LAMA2: variants seen among roughly 807,000 people sequenced by gnomAD.
LAMA2 encodes the protein laminin subunit alpha 2, also known as laminin subunit alpha-2.
Under a neutral mutation model 364.8 loss-of-function variants are expected in LAMA2, and 269 were observed. The ratio of observed to expected loss-of-function variants is 0.74; its 90% CI spans 0.67 to 0.82. The LOEUF (loss-of-function observed/expected upper bound fraction) is 0.82. LAMA2 is among the 40% of genes least tolerant of loss of function. The probability of loss-of-function intolerance (pLI) is 0.00; values close to 1 mark genes in which losing one functional copy is unlikely to be tolerated. For synonymous variants in LAMA2, 1,379 were observed against 1,370.6 expected, an observed-to-expected ratio of 1.01 and a Z score of -0.14; for missense variants, 3,807 against 3,873.2, an observed-to-expected ratio of 0.98 and a Z score of 0.45.
At chr6:129,220,909 C>T (rs1583279789) in intron 12 of LAMA2, among the ~76,000 whole-genome samples, 1 of 152,188 alleles carries the variant, frequency 6.6e-6, no homozygotes, top group African/African-American at 2.4e-5. Context: ...TGCCCGTATT[C>T]CCAGCACTGT....
chr6:129,475,338 T>C (rs367902558), intron 52 of LAMA2, 52 bp from the exon 53 acceptor site: 20 of 1,040,248 alleles, frequency 1.9e-5, no homozygotes, highest in Non-Finnish European at 2.6e-5. Context: ...AATGTAATTA[T>C]AAGTAAATTG....
intron 40 of LAMA2, among the ~76,000 whole-genome samples, chr6:129,424,267 A>G (rs751152980): frequency 1.3e-5 from 2 of 151,976 alleles, no homozygotes; most frequent in African/African-American, 2.4e-5. Context: ...AAAATATAAA[A>G]CATCTAAAAA....
intron 49 of LAMA2, 41 bp downstream of exon 49, chr6:129,460,365 A>T: frequency 6.2e-7 from 1 of 1,601,428 alleles, no homozygotes; most frequent in Non-Finnish European, 8.6e-7. Flanking sequence ...TGTCCTGTGC[A>T]TAATAAAAGC....
chr6:129,115,781 T>C (rs531252972), intron 4 of LAMA2, among the ~76,000 whole-genome samples: 1 of 152,212 alleles, frequency 6.6e-6, no homozygotes, highest in African/African-American at 2.4e-5. Flanking sequence ...CTTTGAAGTT[T>C]AGTTTCCGCA....
intron 1 of LAMA2, among the ~76,000 whole-genome samples, chr6:128,938,341 G>GT (rs35814171): frequency 3.9e-5 from 6 of 152,088 alleles, no homozygotes; most frequent in Non-Finnish European, 7.4e-5. Context: ...TTATTTTTAT[G>GT]ATTAACTAAT....
chr6:129,503,645 T>C (rs1041444736), intron 60 of LAMA2, among the ~76,000 whole-genome samples: 5 of 152,208 alleles, frequency 3.3e-5, no homozygotes, highest in Admixed American at 2.6e-4. Context: ...GGAATAATAT[T>C]TATTCTGAGA....
chr6:128,908,356 A>C (rs1391932126), intron 1 of LAMA2, among the ~76,000 whole-genome samples: 1 of 151,878 alleles, frequency 6.6e-6, no homozygotes, highest in Non-Finnish European at 1.5e-5. Context: ...TTCCTGGTTT[A>C]GTCTTGGGAG....
At chr6:129,516,058 AAAC>A in intron 64 of LAMA2, 129 bp from the exon 65 acceptor site, 1 of 1,086,808 alleles carries the variant, frequency 9.2e-7, no homozygotes, top group Non-Finnish European at 1.4e-6. Flanking sequence ...GTAAGGCTAA[AAAC>A]AAAACCACTA....
chr6:129,340,627 G>A (rs1776206002), intron 29 of LAMA2, among the ~76,000 whole-genome samples: 1 of 151,978 alleles, frequency 6.6e-6, no homozygotes. Context: ...CCTGAGGTCA[G>A]GAGTTCAAGA....
intron 12 of LAMA2, among the ~76,000 whole-genome samples, chr6:129,213,049 G>C (rs1317132718): frequency 6.6e-6 from 1 of 152,138 alleles, no homozygotes; most frequent in Non-Finnish European, 1.5e-5. Context: ...AGTGACAAAA[G>C]TGGGGTTGAC....
intron 12 of LAMA2, among the ~76,000 whole-genome samples, chr6:129,205,493 T>TATATATATATATATATATATATATAC (rs1343472728): frequency 1.7e-4 from 18 of 104,242 alleles, no homozygotes; most frequent in African/African-American, 4.4e-4. Flanking sequence ...TATATATATA[T>TATATATATATATATATATATATATAC]ACACACACAC....
chr6:129,126,415 G>A, intron 4 of LAMA2, among the ~76,000 whole-genome samples: 1 of 152,156 alleles, frequency 6.6e-6, no homozygotes, highest in East Asian at 1.9e-4. Flanking sequence ...CATCACGTAA[G>A]ATACCACCTT....
At chr6:129,033,594 CT>C (rs1328657260) in intron 1 of LAMA2, among the ~76,000 whole-genome samples, 1 of 151,970 alleles carries the variant, frequency 6.6e-6, no homozygotes, top group African/African-American at 2.4e-5. Context: ...TCACAAGTAC[CT>C]TTTTTTGGTT....
At chr6:129,391,110 C>T (rs1273993928) in intron 35 of LAMA2, among the ~76,000 whole-genome samples, 1 of 152,160 alleles carries the variant, frequency 6.6e-6, no homozygotes, top group East Asian at 1.9e-4. Context: ...CTGATAGCCA[C>T]TGCTATGACT....
intron 1 of LAMA2, among the ~76,000 whole-genome samples, chr6:128,968,723 A>G (rs1782007357): frequency 6.6e-6 from 1 of 152,090 alleles, no homozygotes; most frequent in African/African-American, 2.4e-5. Context: ...AGGCTCTAAT[A>G]TTGTGAGCCA....
intron 22 of LAMA2, 102 bp from the exon 23 acceptor site, chr6:129,312,759 A>T (rs568676654): frequency 2.4e-6 from 2 of 817,192 alleles, no homozygotes; most frequent in African/African-American, 1.7e-5. Flanking sequence ...CAGATACATG[A>T]TTAATATGTG....
intron 4 of LAMA2, among the ~76,000 whole-genome samples, chr6:129,109,834 C>G (rs1776038487): frequency 1.3e-5 from 2 of 151,968 alleles, no homozygotes; most frequent in South Asian, 4.1e-4. Context: ...TATTAATTGA[C>G]TACTCAGGTA....
At chr6:128,971,438 G>T (rs6908604) in intron 1 of LAMA2, among the ~76,000 whole-genome samples, 1 of 151,916 alleles carries the variant, frequency 6.6e-6, no homozygotes, top group South Asian at 2.1e-4. Context: ...GGTGAATGTG[G>T]GAATATGGAG....
chr6:128,948,312 A>G (rs1176535766), intron 1 of LAMA2, among the ~76,000 whole-genome samples: 5 of 152,170 alleles, frequency 3.3e-5, no homozygotes, highest in Admixed American at 3.3e-4. Context: ...CCCTTCATCA[A>G]CAAAGATATT....
Sources: allele counts gnomAD v4.1 joint callset (sites outside exome capture counted in the v4.1 genomes callset), GRCh38; gene constraint gnomAD v4.1.1; transcripts MANE v1.5; gene names NCBI Gene and HGNC (gene_info 2026-07-23, HGNC 2026-07-21).